PNPLA8: variants seen among roughly 807,000 people sequenced by gnomAD.
PNPLA8 encodes patatin like domain 8, phospholipase A2.
A neutral mutation model predicts 76.9 loss-of-function variants in PNPLA8; 39 were observed. The observed-to-expected ratio is 0.51, with a 90% CI of 0.39 to 0.66. PNPLA8 has a LOEUF of 0.66. Ranked by LOEUF, PNPLA8 falls within the 30% of genes least tolerant of loss-of-function variation. The pLI is 0.00. For synonymous variants in PNPLA8, 301 were observed against 307.9 expected (o/e 0.98, Z 0.24); for missense variants, 887 against 918.0 (o/e 0.97, Z 0.44).
At chr7:108,518,834 C>T (rs1863545178) in intron 2 of PNPLA8, among the ~76,000 whole-genome samples, 1 of 150,682 alleles carries the variant, frequency 6.6e-6, no homozygotes, top group Non-Finnish European at 1.5e-5. Flanking sequence ...TATGGACACA[C>T]ATATACATAC....
chr7:108,523,957 A>G (rs1350514184), intron 1 of PNPLA8, among the ~76,000 whole-genome samples: 1 of 152,248 alleles, frequency 6.6e-6, no homozygotes, highest in African/African-American at 2.4e-5. Context: ...TTTAAATCTG[A>G]AAAATACGGA....
In PNPLA8 at chr7:108,471,617, T is replaced by C. The variant is rs899693232; in HGVS notation, c.*784A>G. The C allele has an allele frequency of 2.0e-5, 3 of 152,214 alleles. No homozygotes were observed. The highest frequency in any genetic ancestry group is 4.4e-5 in the Non-Finnish European group (3 of 68,036). The allele number at this position is 152,214 out of a possible 1,614,324, so 9.4% of individuals were successfully genotyped here. A position where few individuals can be genotyped will look rare whatever the true frequency, so the allele number is the denominator to read the frequency against. ...TAATTTTAAAATGACATTAGCCTTT[T>C]AACAACAGATTATTTAAATAGTTTA... is the stretch of plus-strand genomic sequence containing the variant. On this transcript the variant is annotated 3_prime_UTR_variant, in exon 11 of 11. Transcript: ENST00000257694.
intron 9 of PNPLA8, among the ~76,000 whole-genome samples, chr7:108,483,482 T>A (rs551692233): frequency 9.2e-5 from 14 of 152,358 alleles, no homozygotes; most frequent in African/African-American, 3.4e-4. Context: ...AACTTCGTTA[T>A]CAAAATAAAT....
chr7:108,502,578 A>T lies in PNPLA8; in HGVS notation c.1271T>A (p.Val424Asp), dbSNP rs1244851606. 6.2e-7 allele frequency: 1 copy of T among 1,612,428 alleles called. No individual in the cohort carries two copies. Residue 424 changes from valine (V) to aspartate (D), a missense_variant, in exon 5 of 11, where the codon GTT (valine) becomes GAT (aspartate). Val to Asp is a radical substitution (Grantham distance 152). Coordinates refer to ENST00000257694, the MANE Select transcript of PNPLA8 (RefSeq NM_001256007.3). Reference sequence around the variant, plus strand: ...GCCAATTAGGGCCAAAATTTCTCTAACTGCAGCCTGAAGAGTTTCATCCTT... The same window carrying T: ...GCCAATTAGGGCCAAAATTTCTCTATCTGCAGCCTGAAGAGTTTCATCCTT... The part of the protein sequence containing the change: ...QIKDETLQAA[V>D]REILALIGYV...
rs1164714778 is a variant in PNPLA8 at position 108,491,518 on chromosome 7, A to C, written c.1626-51T>G. The C allele has an allele frequency of 5.4e-6, 6 of 1,107,614 alleles. No homozygotes were observed. The South Asian group carries it at 7.5e-5, about 14-fold the overall frequency. The allele number at this position is 1,107,614 out of a possible 1,614,324, so 68.6% of individuals were successfully genotyped here. On this transcript the variant is annotated intron_variant, in intron 7 of 10. Coordinates refer to ENST00000257694, the MANE Select transcript of PNPLA8 (RefSeq NM_001256007.3). ...TTATATCAAAATGACTTTATCTCCTAACAACCAGGAAACATACAGTATGCA... is the reference window on the plus strand; with the variant it reads ...TTATATCAAAATGACTTTATCTCCTCACAACCAGGAAACATACAGTATGCA...
chr7:108,496,825 C>A, intron 6 of PNPLA8, 70 bp from the exon 7 acceptor site: 1 of 1,260,690 alleles, frequency 7.9e-7, no homozygotes, highest in South Asian at 1.4e-5. Context: ...TTTCCTGAAT[C>A]ATAGTTTTGG....
At position 108,497,597 on chromosome 7, in the gene PNPLA8, C is replaced by A; in HGVS notation, c.1359-20G>T. 1 of 1,396,918 alleles carries A rather than the reference C, an allele frequency of 7.2e-7. No homozygotes were observed. Among genetic ancestry groups the A allele is most frequent in the Non-Finnish European group, 9.8e-7 (1 of 1,019,852 alleles). The allele number at this position is 1,396,918 out of a possible 1,614,324, so 86.5% of individuals were successfully genotyped here. On this transcript the variant is annotated intron_variant, in intron 5 of 10. Transcript: ENST00000257694. The stretch of plus-strand genomic sequence containing the variant: ...ACGCCCCTACAGAAAAGATTAAAGA[C>A]AAAATGACAATTCCTGTTTAAAGAA...
chr7:108,472,380 G>A lies in PNPLA8; in HGVS notation c.*21C>T, dbSNP rs148499811. 18 of 1,488,714 alleles carry A rather than the reference G, an allele frequency of 1.2e-5. No individual in the cohort carries two copies. The East Asian group carries it at 3.2e-4, about 26-fold the overall frequency. The allele number at this position is 1,488,714 out of a possible 1,614,324, so 92.2% of individuals were successfully genotyped here. A position where few individuals can be genotyped will look rare whatever the true frequency, so the allele number is the denominator to read the frequency against. Reference sequence around the variant, plus strand: ...ATCTTCTAAACAGACCTTCATTTATGAGAACATAAGCATATACTCATCACA... The same window carrying A: ...ATCTTCTAAACAGACCTTCATTTATAAGAACATAAGCATATACTCATCACA... On this transcript the variant is annotated 3_prime_UTR_variant, in exon 11 of 11. Transcript: ENST00000257694.
At chr7:108,528,139 C>T (rs1864153925), upstream of PNPLA8, 1 of 152,268 alleles carries the variant, frequency 6.6e-6, no homozygotes, top group Non-Finnish European at 1.5e-5. Flanking sequence ...ATTTCCACTG[C>T]TCTAGTTCAG....
chr7:108,507,341 C>CAAAAAAAA (rs66685490), intron 4 of PNPLA8, among the ~76,000 whole-genome samples: 65 of 45,312 alleles, frequency 1.4e-3, no homozygotes, highest in African/African-American at 2.2e-3. Context: ...GACTCTGTCT[C>CAAAAAAAA]AAAAAAAAAA....
chr7:108,486,370 C>T (rs1032835699), intron 9 of PNPLA8, among the ~76,000 whole-genome samples: 5 of 152,034 alleles, frequency 3.3e-5, no homozygotes, highest in African/African-American at 9.6e-5. Flanking sequence ...TAGGGGAAAT[C>T]GTTGTTAAAA....
chr7:108,502,448 A>C, intron 5 of PNPLA8, 43 bp downstream of exon 5: 1 of 1,168,652 alleles, frequency 8.6e-7, no homozygotes, highest in Middle Eastern at 2.2e-4. Flanking sequence ...ATCTCAAAAA[A>C]AAAAAAAAAA....
intron 1 of PNPLA8, among the ~76,000 whole-genome samples, chr7:108,522,500 G>C (rs1475122520): frequency 6.6e-6 from 1 of 152,016 alleles, no homozygotes; most frequent in African/African-American, 2.4e-5. Context: ...CGTCCCCTTT[G>C]AGTTGTCCTG....
chr7:108,505,062 C>T (rs868306032), intron 4 of PNPLA8, among the ~76,000 whole-genome samples: 1 of 151,282 alleles, frequency 6.6e-6, no homozygotes, highest in East Asian at 1.9e-4. Context: ...GCAACAAGAG[C>T]GAAACTCCAT....
chr7:108,477,812 T>C (rs1860106682), intron 10 of PNPLA8, among the ~76,000 whole-genome samples: 1 of 151,960 alleles, frequency 6.6e-6, no homozygotes, highest in South Asian at 2.1e-4. Flanking sequence ...TGCAGTGAGC[T>C]ATCATTGTCA....
chr7:108,471,499 G>A lies in PNPLA8; in HGVS notation c.*902C>T, dbSNP rs1344996254. On this transcript the variant is annotated 3_prime_UTR_variant, in exon 11 of 11. Transcript: ENST00000257694. The stretch of plus-strand genomic sequence containing the variant: ...CAAAGTGCTGGGATTACAGGTGTGA[G>A]CTACTGCGCCAGGCAACTAACTTCT... The A allele has an allele frequency of 6.6e-6, 1 of 152,226 alleles. No homozygotes were observed. The highest frequency in any genetic ancestry group is 1.5e-5 in the Non-Finnish European group (1 of 68,082). 9.4% of individuals were successfully genotyped at this position (152,226 alleles called of 1,614,324 possible). A position where few individuals can be genotyped will look rare whatever the true frequency, so the allele number is the denominator to read the frequency against.
chr7:108,507,033 A>G (rs1862484557), intron 4 of PNPLA8, among the ~76,000 whole-genome samples: 1 of 152,116 alleles, frequency 6.6e-6, no homozygotes, highest in African/African-American at 2.4e-5. Context: ...GAAGGGGAGA[A>G]AATAGATCAT....
At chr7:108,498,607 C>T (rs2154515719) in intron 5 of PNPLA8, among the ~76,000 whole-genome samples, 1 of 152,104 alleles carries the variant, frequency 6.6e-6, no homozygotes, top group African/African-American at 2.4e-5. Context: ...TTTCTTTATT[C>T]ATTTTTAAAA....
intron 4 of PNPLA8, 56 bp downstream of exon 4, chr7:108,514,088 T>G (rs1863121473): frequency 1.6e-6 from 2 of 1,234,442 alleles, no homozygotes; most frequent in Admixed American, 2.3e-5. Flanking sequence ...CCATTTTAGA[T>G]TTTTTTTAGT....
Sources: gnomAD v4.1 joint callset for allele counts (sites outside exome capture counted in the v4.1 genomes callset) on GRCh38, gnomAD v4.1.1 for gene constraint, MANE v1.5 for transcripts, NCBI Gene and HGNC (gene_info 2026-07-23, HGNC 2026-07-21) for gene names.